Variants in PCSK2 observed in about 807,000 individuals in gnomAD.
PCSK2 encodes the protein proprotein convertase subtilisin/kexin type 2.
In PCSK2, 14 loss-of-function variants were observed where a neutral mutation model predicts 69.7. The ratio of observed to expected loss-of-function variants is 0.20; its 90% CI spans 0.13 to 0.31. The LOEUF is 0.31. Ranked by LOEUF, PCSK2 falls within the 10% of genes least tolerant of loss-of-function variation. The probability of loss-of-function intolerance (pLI) is 1.00; values close to 1 mark genes in which losing one functional copy is unlikely to be tolerated. For synonymous variants in PCSK2, 307 were observed against 320.7 expected, an observed-to-expected ratio of 0.96 and a Z score of 0.46; for missense variants, 544 against 842.5, an observed-to-expected ratio of 0.65 and a Z score of 4.39.
At chr20:17,245,609 C>T (rs568380793) in intron 1 of PCSK2, among the ~76,000 whole-genome samples, 1 of 152,182 alleles carries the variant, frequency 6.6e-6, no homozygotes, top group African/African-American at 2.4e-5. Flanking sequence ...ACAGAGAATG[C>T]TAGCCTCATC....
At chr20:17,285,705 C>T (rs943293360) in intron 2 of PCSK2, among the ~76,000 whole-genome samples, 1 of 152,196 alleles carries the variant, frequency 6.6e-6, no homozygotes, top group African/African-American at 2.4e-5. Flanking sequence ...AAAACATGTA[C>T]AAACCCTGGA....
At chr20:17,341,797 C>A (rs1463107856) in intron 2 of PCSK2, among the ~76,000 whole-genome samples, 1 of 152,220 alleles carries the variant, frequency 6.6e-6, no homozygotes, top group Non-Finnish European at 1.5e-5. Flanking sequence ...AGAATAACCA[C>A]ATGTGCTCTC....
At chr20:17,396,548 G>A (rs2031515195) in intron 5 of PCSK2, among the ~76,000 whole-genome samples, 1 of 152,016 alleles carries the variant, frequency 6.6e-6, no homozygotes, top group Non-Finnish European at 1.5e-5. Flanking sequence ...GACATGATAG[G>A]GAATGAAGTG....
At chr20:17,440,798 G>A (rs2023422) in intron 8 of PCSK2, among the ~76,000 whole-genome samples, 10,915 of 151,220 alleles carry the variant, frequency 0.072, 486 homozygotes, top group East Asian at 0.17. Flanking sequence ...GGAGGCAGAC[G>A]TTGCAGTGAG....
intron 4 of PCSK2, among the ~76,000 whole-genome samples, chr20:17,362,964 G>T (rs550447159): frequency 2.0e-5 from 3 of 152,356 alleles, no homozygotes; most frequent in Admixed American, 6.5e-5. Flanking sequence ...GAACCGGGAA[G>T]GCTGGCAACA....
intron 6 of PCSK2, among the ~76,000 whole-genome samples, chr20:17,414,339 A>G (rs1377179572): frequency 6.6e-6 from 1 of 152,238 alleles, no homozygotes; most frequent in African/African-American, 2.4e-5. Flanking sequence ...GCATTCAAAA[A>G]TGATAAAGGG....
At chr20:17,418,489 G>A (rs541406476) in intron 6 of PCSK2, among the ~76,000 whole-genome samples, 8 of 152,304 alleles carry the variant, frequency 5.3e-5, no homozygotes, top group Admixed American at 2.0e-4. Flanking sequence ...GCAGGAGGCA[G>A]CATTCTAAGA....
At chr20:17,336,696 G>A (rs574312657) in intron 2 of PCSK2, among the ~76,000 whole-genome samples, 12 of 152,236 alleles carry the variant, frequency 7.9e-5, no homozygotes, top group East Asian at 5.8e-4. Context: ...TTCACACTTC[G>A]TCATTTGCTA....
chr20:17,237,277 T>C (rs74842389), intron 1 of PCSK2, among the ~76,000 whole-genome samples: 5,995 of 152,228 alleles, frequency 0.039, 391 homozygotes, highest in African/African-American at 0.14. Context: ...AAGTGAATTA[T>C]CAAAGTAAAA....
At chr20:17,248,865 T>C (rs1027003444) in intron 1 of PCSK2, among the ~76,000 whole-genome samples, 1 of 152,134 alleles carries the variant, frequency 6.6e-6, no homozygotes, top group South Asian at 2.1e-4. Context: ...ACAAAGGGGC[T>C]GGGACGTAGA....
intron 5 of PCSK2, among the ~76,000 whole-genome samples, chr20:17,395,965 A>G (rs925482485): frequency 1.1e-4 from 17 of 152,180 alleles, no homozygotes; most frequent in African/African-American, 3.9e-4. Flanking sequence ...TGTCTCTCTC[A>G]GGACATCTGG....
intron 5 of PCSK2, among the ~76,000 whole-genome samples, chr20:17,398,831 G>A (rs1365573262): frequency 2.0e-5 from 3 of 152,112 alleles, no homozygotes; most frequent in African/African-American, 7.2e-5. Flanking sequence ...AATTGCTCAA[G>A]TATTTGTATT....
At chr20:17,470,953 T>C (rs2033189259) in intron 11 of PCSK2, among the ~76,000 whole-genome samples, 1 of 152,216 alleles carries the variant, frequency 6.6e-6, no homozygotes, top group Non-Finnish European at 1.5e-5. Flanking sequence ...GGCAGCACCG[T>C]TGCAGTATTT....
intron 5 of PCSK2, among the ~76,000 whole-genome samples, chr20:17,390,039 A>G (rs1319266053): frequency 6.6e-6 from 1 of 152,262 alleles, no homozygotes; most frequent in African/African-American, 2.4e-5. Flanking sequence ...TAAAACTGTG[A>G]TGTGTTTATA....
intron 2 of PCSK2, among the ~76,000 whole-genome samples, chr20:17,309,200 G>A (rs1989425607): frequency 6.6e-6 from 1 of 152,136 alleles, no homozygotes. Context: ...TCAATGAAGA[G>A]AGTTTCTCTT....
chr20:17,357,894 CAAA>C (rs11429693), intron 2 of PCSK2, among the ~76,000 whole-genome samples: 8 of 120,354 alleles, frequency 6.6e-5, no homozygotes, highest in Admixed American at 1.6e-4. Flanking sequence ...AACTCTGTCT[CAAA>C]AAAAAAAAAA....
rs1042157654 is a variant in PCSK2 at position 17,391,237 on chromosome 20, T to C, written c.544-18026T>C. 2.0e-5 allele frequency among the ~76,000 whole-genome samples: 3 copies of C among 152,178 alleles called. No homozygotes were observed. In the East Asian group the frequency reaches 5.8e-4, roughly 29 times the overall value. On this transcript the variant is annotated intron_variant, in intron 5 of 11. Transcript: ENST00000262545. ...CCAGGAGAATCCCTTCTCATTTTGA[T>C]CTCAAAGACAGGAAAAATAAAGTTG...
intron 2 of PCSK2, among the ~76,000 whole-genome samples, chr20:17,309,220 C>A (rs985326655): frequency 1.3e-5 from 2 of 151,964 alleles, no homozygotes; most frequent in African/African-American, 4.8e-5. Context: ...TTTCACATGG[C>A]CATAAAATAA....
intron 11 of PCSK2, among the ~76,000 whole-genome samples, chr20:17,474,189 G>T (rs1013299923): frequency 6.6e-6 from 1 of 152,166 alleles, no homozygotes; most frequent in African/African-American, 2.4e-5. Flanking sequence ...GCTAACTGTG[G>T]TCTTCTGCCT....
Sources: allele counts gnomAD v4.1 joint callset (sites outside exome capture counted in the v4.1 genomes callset), GRCh38; gene constraint gnomAD v4.1.1; transcripts MANE v1.5; gene names NCBI Gene and HGNC (gene_info 2026-07-23, HGNC 2026-07-21).